Variants in CAMKMT observed in about 807,000 individuals in gnomAD.
The protein encoded by CAMKMT is calmodulin-lysine N-methyltransferase, also known as CaM KMT.
Under a neutral mutation model 48.0 loss-of-function variants are expected in CAMKMT, and 53 were observed. The observed-to-expected ratio is 1.10, with a 90% CI of 0.89 to 1.39. The LOEUF (loss-of-function observed/expected upper bound fraction) is 1.39, where lower values mean the gene tolerates loss of function less well. Ranked by LOEUF, CAMKMT falls within the 40% of genes most tolerant of loss-of-function variation. The pLI, the probability that CAMKMT is intolerant of heterozygous loss-of-function variation, is 0.00. For synonymous variants in CAMKMT, 165 were observed against 152.3 expected (o/e 1.08, Z -0.61); for missense variants, 428 against 402.7 (o/e 1.06, Z -0.54).
At position 44,688,631 on chromosome 2, in the gene CAMKMT, A is replaced by G. The variant is rs940300612; in HGVS notation, c.377-15652A>G. Among the ~76,000 whole-genome samples the G allele has an allele frequency of 2.6e-5, 4 of 152,218 alleles. No individual in the cohort carries two copies. The South Asian group carries it at 8.3e-4, about 32-fold the overall frequency. ...GAGATGTTGCCCTACTTACCATGTA[A>G]ATTTGCTGAGTAGTGTTTTACCTTT... On this transcript the variant is annotated intron_variant, in intron 3 of 10. Transcript: ENST00000378494.
At chr2:44,520,636 C>G (rs1671057447) in intron 3 of CAMKMT, among the ~76,000 whole-genome samples, 1 of 152,164 alleles carries the variant, frequency 6.6e-6, no homozygotes, top group Non-Finnish European at 1.5e-5. Flanking sequence ...CAAAGACTGA[C>G]TCTATTAGTT....
At chr2:44,594,081 A>C (rs1235995193) in intron 3 of CAMKMT, among the ~76,000 whole-genome samples, 3 of 152,130 alleles carry the variant, frequency 2.0e-5, no homozygotes, top group Non-Finnish European at 4.4e-5. Context: ...AAAGAGAATA[A>C]AATACCTAGG....
intron 2 of CAMKMT, among the ~76,000 whole-genome samples, chr2:44,377,401 C>G (rs1383789847): frequency 1.3e-5 from 2 of 152,114 alleles, no homozygotes; most frequent in Admixed American, 1.3e-4. Context: ...GATGTTTATA[C>G]CAAAATTCTT....
chr2:44,695,063 T>C (rs1349385637), intron 3 of CAMKMT, among the ~76,000 whole-genome samples: 1 of 152,256 alleles, frequency 6.6e-6, no homozygotes, highest in Non-Finnish European at 1.5e-5. Flanking sequence ...AGATTAACAC[T>C]TTAGCTACTA....
At chr2:44,407,017 A>T (rs574603068) in intron 3 of CAMKMT, among the ~76,000 whole-genome samples, 2 of 152,228 alleles carry the variant, frequency 1.3e-5, no homozygotes, top group Non-Finnish European at 2.9e-5. Context: ...AAAGGACAGC[A>T]GGGACTAAGG....
intron 3 of CAMKMT, among the ~76,000 whole-genome samples, chr2:44,703,254 A>C (rs1315170339): frequency 6.6e-6 from 1 of 152,216 alleles, no homozygotes; most frequent in East Asian, 1.9e-4. Flanking sequence ...ATCCTGTGAT[A>C]ACAACTAGAA....
At chr2:44,739,266 G>T (rs897700376) in intron 7 of CAMKMT, among the ~76,000 whole-genome samples, 3 of 152,210 alleles carry the variant, frequency 2.0e-5, no homozygotes, top group Non-Finnish European at 4.4e-5. Context: ...GATGAGAGAT[G>T]ATAGTAGTTT....
chr2:44,687,972 T>C (rs749456228), intron 3 of CAMKMT, among the ~76,000 whole-genome samples: 20 of 152,254 alleles, frequency 1.3e-4, no homozygotes, highest in Non-Finnish European at 1.2e-4. Context: ...GATAAGCCTG[T>C]CTGCTTTTCA....
chr2:44,723,552 C>T (rs1479108386), intron 7 of CAMKMT, among the ~76,000 whole-genome samples: 1 of 151,418 alleles, frequency 6.6e-6, no homozygotes, highest in Non-Finnish European at 1.5e-5. Context: ...GATCACACCA[C>T]TGCACTCCAG....
chr2:44,463,104 C>T (rs748657937), intron 3 of CAMKMT, among the ~76,000 whole-genome samples: 5 of 152,192 alleles, frequency 3.3e-5, no homozygotes, highest in Non-Finnish European at 7.4e-5. Context: ...TACTTACAGC[C>T]ATTCTTGATC....
intron 3 of CAMKMT, among the ~76,000 whole-genome samples, chr2:44,606,753 G>A (rs567933566): frequency 2.6e-5 from 4 of 151,578 alleles, no homozygotes; most frequent in East Asian, 1.9e-4. Context: ...GCCTGCTATA[G>A]AATTTGAGTT....
intron 6 of CAMKMT, 57 bp from the exon 7 acceptor site, chr2:44,715,230 C>CA: frequency 9.1e-7 from 1 of 1,093,008 alleles, no homozygotes. Context: ...GTTTCTGGAC[C>CA]TTTTTTTTTG....
rs151066659 is a variant in CAMKMT, at chr2:44,445,530, C to T, written c.376+55225C>T. 2.3e-4 allele frequency among the ~76,000 whole-genome samples: 35 copies of T among 152,024 alleles called. No homozygotes were observed. The East Asian group carries it at 3.7e-3, about 16-fold the overall frequency. ...GATAGGTAATTGTGTCTCCATACTA[C>T]GGGACATTCCCCTAAGATGCACCCT... On this transcript the variant is annotated intron_variant, in intron 3 of 10. Coordinates refer to ENST00000378494, the MANE Select transcript of CAMKMT (RefSeq NM_024766.5).
intron 1 of CAMKMT, 31 bp downstream of exon 1, chr2:44,362,176 C>T (rs1259145334): frequency 3.2e-5 from 46 of 1,434,886 alleles, no homozygotes; most frequent in Non-Finnish European, 4.1e-5. Flanking sequence ...CTCACCTTTG[C>T]CTCTGGTCAC....
At chr2:44,614,936 C>CTTTTTTTTTTGTTTTTTTTTTTTTTTTT (rs1671792777) in intron 3 of CAMKMT, among the ~76,000 whole-genome samples, 1 of 48,990 alleles carries the variant, frequency 2.0e-5, no homozygotes, top group African/African-American at 1.0e-4. Flanking sequence ...GGTCTCCTTG[C>CTTTTTTTTTTGTTTTTTTTTTTTTTTTT]TTTTTTTTTT....
rs531998072 is a variant in CAMKMT, at chr2:44,592,219, T to TAATA, written c.377-112049_377-112046dup. 7.2e-5 allele frequency among the ~76,000 whole-genome samples: 11 copies of TAATA among 152,064 alleles called. No homozygotes were observed. In the East Asian group the frequency reaches 7.7e-4, roughly 11 times the overall value. On this transcript the variant is annotated intron_variant, in intron 3 of 10. Coordinates refer to ENST00000378494, the MANE Select transcript of CAMKMT (RefSeq NM_024766.5). ...CCTAAAACTTAAAGTATAATAATAA[T>TAATA]AATAAATAAATAAATAAACTACGAA...
At chr2:44,692,521 A>G (rs1331826761) in intron 3 of CAMKMT, among the ~76,000 whole-genome samples, 1 of 152,206 alleles carries the variant, frequency 6.6e-6, no homozygotes, top group Non-Finnish European at 1.5e-5. Flanking sequence ...TATTTTCCCT[A>G]TGAAAGTTAT....
At chr2:44,583,743 CTA>C (rs1448996380) in intron 3 of CAMKMT, among the ~76,000 whole-genome samples, 3 of 152,000 alleles carry the variant, frequency 2.0e-5, no homozygotes, top group Non-Finnish European at 1.5e-5. Context: ...CTGCAGTGAG[CTA>C]TGTTTGAGCC....
In CAMKMT at chr2:44,614,825, C is replaced by A. The variant is rs1671780169; in HGVS notation, c.377-89458C>A. 3.3e-5 allele frequency among the ~76,000 whole-genome samples: 5 copies of A among 151,616 alleles called. No homozygotes were observed. In the South Asian group the frequency reaches 1.0e-3, roughly 32 times the overall value. On this transcript the variant is annotated intron_variant, in intron 3 of 10. Coordinates refer to ENST00000378494, the MANE Select transcript of CAMKMT (RefSeq NM_024766.5). The stretch of plus-strand genomic sequence containing the variant: ...TCTCAGTATGCTTCACACACACCAG[C>A]AATTTGCTTCTTTTTCTTTTGCATC...
Sources: allele counts gnomAD v4.1 joint callset (sites outside exome capture counted in the v4.1 genomes callset), GRCh38; gene constraint gnomAD v4.1.1; transcripts MANE v1.5; gene names NCBI Gene and HGNC (gene_info 2026-07-23, HGNC 2026-07-21).